GUCY2F: variants seen among roughly 807,000 people sequenced by gnomAD.
GUCY2F encodes guanylate cyclase 2F, retinal.
A neutral mutation model predicts 73.1 loss-of-function variants in GUCY2F; 61 were observed. The observed-to-expected ratio is 0.83, with a 90% CI of 0.68 to 1.03. The LOEUF (loss-of-function observed/expected upper bound fraction) is 1.03, where lower values mean the gene tolerates loss of function less well. GUCY2F is among the 50% of genes least tolerant of loss of function. The pLI, the probability that GUCY2F is intolerant of heterozygous loss-of-function variation, is 0.00. For synonymous variants in GUCY2F, 331 were observed against 307.8 expected (o/e 1.08, Z -0.79); for missense variants, 912 against 854.3 (o/e 1.07, Z -0.84).
At chrX:109,457,366 T>C (rs1468992752) in intron 3 of GUCY2F, among the ~76,000 whole-genome samples, 2 of 111,765 alleles carry the variant, frequency 1.8e-5, no homozygotes, top group African/African-American at 6.5e-5. Context: ...GAAGTGTACA[T>C]TAAAACATGC....
chrX:109,452,711 G>A (rs1172323333), intron 4 of GUCY2F, among the ~76,000 whole-genome samples: 2 of 111,868 alleles, frequency 1.8e-5, no homozygotes, highest in African/African-American at 6.5e-5. Flanking sequence ...TCATGTTAAA[G>A]CAAAGTAGAA....
intron 3 of GUCY2F, among the ~76,000 whole-genome samples, chrX:109,459,547 G>C (rs976242169): frequency 9.0e-6 from 1 of 111,576 alleles, no homozygotes; most frequent in Non-Finnish European, 1.9e-5. Context: ...CGAAAAGGAA[G>C]TTGGAAATGA....
chrX:109,419,417 TCA>T (rs774779896), intron 8 of GUCY2F, among the ~76,000 whole-genome samples: 6 of 110,968 alleles, frequency 5.4e-5, no homozygotes, highest in Non-Finnish European at 7.6e-5. Context: ...ACTATGTAAT[TCA>T]CCATGTTAAC....
chrX:109,469,208 C>T (rs983760957), intron 2 of GUCY2F, among the ~76,000 whole-genome samples: 1 of 111,626 alleles, frequency 9.0e-6, no homozygotes, highest in Admixed American at 9.5e-5. Flanking sequence ...TGGCACCAAC[C>T]ATAGCAGGCT....
chrX:109,476,071 T>G, intron 1 of GUCY2F, 50 bp from the exon 2 acceptor site: 9 of 473,806 alleles, frequency 1.9e-5, no homozygotes, highest in African/African-American at 2.7e-5. Flanking sequence ...CTGAAGCTTC[T>G]GGAAATCATC....
At chrX:109,377,568 C>T (rs1930208184) in intron 17 of GUCY2F, among the ~76,000 whole-genome samples, 1 of 111,954 alleles carries the variant, frequency 8.9e-6, no homozygotes, top group South Asian at 3.7e-4. Context: ...GTGTCTTATA[C>T]AGACAGTTGC....
chrX:109,388,559 G>A lies in GUCY2F; in HGVS notation c.2886C>T (p.Ser962=). 2 of 1,202,863 alleles carry A rather than the reference G, an allele frequency of 1.7e-6. No individual in the cohort carries two copies. Among genetic ancestry groups the A allele is most frequent in the African/African-American group, 1.7e-5 (1 of 57,706 alleles). The part of the protein sequence containing the change: ...EIANMSLDIL[S]SVGTFKMRHM... ...GCCGCATCTTGAAAGTGCCCACAGA[G>A]CTCAGGATATCTAAGGACATGTTTG... Residue 962 remains serine, a synonymous_variant, in exon 15 of 20, where the codon AGC becomes AGT. Coordinates refer to ENST00000218006, the MANE Select transcript of GUCY2F (RefSeq NM_001522.3).
At chrX:109,474,985 G>A (rs1326896942) in intron 2 of GUCY2F, among the ~76,000 whole-genome samples, 1 of 112,144 alleles carries the variant, frequency 8.9e-6, no homozygotes, top group Non-Finnish European at 1.9e-5. Context: ...AGCATTCACA[G>A]GCATATGAAG....
At chrX:109,394,637 G>A (rs751847808) in intron 12 of GUCY2F, among the ~76,000 whole-genome samples, 5 of 112,226 alleles carry the variant, frequency 4.5e-5, no homozygotes, top group Non-Finnish European at 7.5e-5. Context: ...AGCCTAAACT[G>A]CATGCTCCAA....
rs778669201 is a variant in GUCY2F, at chrX:109,475,931, G to A, written c.6C>T (p.Phe2=). The change falls in exon 2 of 20, where the codon TTC becomes TTT. Residue 2 remains phenylalanine (F), a synonymous_variant. Coordinates refer to ENST00000218006, the MANE Select transcript of GUCY2F (RefSeq NM_001522.3). M[F]LGLGRFSRLV... is the part of the protein sequence containing the mutation. ...GGCGAGAAAAGCGCCCGAGTCCCAG[G>A]AACATAGCCCTCCTGCTTCCAGCAA... 1 of 1,196,399 alleles carries A rather than the reference G, an allele frequency of 8.4e-7. No homozygotes were observed. Among genetic ancestry groups the A allele is most frequent in the East Asian group, 3.0e-5 (1 of 33,658 alleles).
At position 109,472,096 on chromosome X, in the gene GUCY2F, C is replaced by T. The variant is rs530633362; in HGVS notation, c.730+3111G>A. Among the ~76,000 whole-genome samples, 4 of 110,693 alleles carry T rather than the reference C, an allele frequency of 3.6e-5. No homozygotes were observed. The South Asian group carries it at 1.5e-3, about 43-fold the overall frequency. ...TTTCTGAGAAAGGCGCTTCCTCTAA[C>T]TCCAGTAAGTTGCCAATGAGAGTTC... On this transcript the variant is annotated intron_variant, in intron 2 of 19. Coordinates refer to ENST00000218006, the MANE Select transcript of GUCY2F (RefSeq NM_001522.3).
In GUCY2F at chrX:109,445,936, C is replaced by T. The variant is rs752178507; in HGVS notation, c.1569+2133G>A. On this transcript the variant is annotated intron_variant, in intron 6 of 19. Coordinates refer to ENST00000218006, the MANE Select transcript of GUCY2F (RefSeq NM_001522.3). ...GGAACTTCAGCAAAGTCTCAGGATACAAAATCAATGTACAAAAATCACAAG... is the reference window on the plus strand; with the variant it reads ...GGAACTTCAGCAAAGTCTCAGGATATAAAATCAATGTACAAAAATCACAAG... 2.7e-3 allele frequency among the ~76,000 whole-genome samples: 305 copies of T among 111,980 alleles called. 1 individual carries two copies. Among genetic ancestry groups the T allele is most frequent in the Non-Finnish European group, 4.7e-3 (249 of 53,198 alleles).
chrX:109,398,717 G>T lies in GUCY2F; in HGVS notation c.2126-19C>A. 8.4e-7 allele frequency: 1 copy of T among 1,196,888 alleles called. No individual in the cohort carries two copies. The highest frequency in any genetic ancestry group is 1.1e-6 in the Non-Finnish European group (1 of 883,280). On this transcript the variant is annotated intron_variant, in intron 10 of 19. Transcript: ENST00000218006. ...AGCAGCTCTAAAAAGAAAGCATTGT[G>T]TAATGAATGCAGGGAGGATTAACTG...
chrX:109,439,547 T>TA (rs1340887681), intron 7 of GUCY2F, among the ~76,000 whole-genome samples: 47 of 109,769 alleles, frequency 4.3e-4, no homozygotes, highest in African/African-American at 1.5e-3. Context: ...TGTTTTTTTT[T>TA]TAAATACATT....
At chrX:109,478,021 C>G (rs7051146) in intron 1 of GUCY2F, among the ~76,000 whole-genome samples, 10,681 of 111,431 alleles carry the variant, frequency 0.096, 1,157 homozygotes, top group African/African-American at 0.31. Context: ...TGGGGGAGGA[C>G]TTCTAACTTT....
At position 109,422,336 on chromosome X, in the gene GUCY2F, C is replaced by T. The variant is rs372374103; in HGVS notation, c.1791+7971G>A. Reference sequence around the variant, plus strand: ...TATGATTCTACTTATATAGGATATACGAAGTAGTGAAAATTCATAGAAAAA... The same window carrying T: ...TATGATTCTACTTATATAGGATATATGAAGTAGTGAAAATTCATAGAAAAA... On this transcript the variant is annotated intron_variant, in intron 8 of 19. Transcript: ENST00000218006. Among the ~76,000 whole-genome samples, 9 of 111,221 alleles carry T rather than the reference C, an allele frequency of 8.1e-5. No individual in the cohort carries two copies. In the South Asian group the frequency reaches 1.1e-3, roughly 14 times the overall value.
At chrX:109,400,222 T>G in intron 10 of GUCY2F, among the ~76,000 whole-genome samples, 3 of 100,697 alleles carry the variant, frequency 3.0e-5, no homozygotes, top group South Asian at 4.7e-4. Context: ...TAAATGGGGG[T>G]GGGGGTAGTA....
intron 3 of GUCY2F, among the ~76,000 whole-genome samples, chrX:109,454,095 A>G (rs1378893063): frequency 9.0e-6 from 1 of 111,590 alleles, no homozygotes; most frequent in Non-Finnish European, 1.9e-5. Context: ...CAATTTTATG[A>G]GCAAACCAAG....
intron 8 of GUCY2F, among the ~76,000 whole-genome samples, chrX:109,423,729 T>G (rs1205757515): frequency 9.3e-6 from 1 of 108,062 alleles, no homozygotes; most frequent in Non-Finnish European, 1.9e-5. Context: ...AAAGAAAAAT[T>G]TCTGGGTGGT....
Sources: gnomAD v4.1 joint callset for allele counts (sites outside exome capture counted in the v4.1 genomes callset) on GRCh38, gnomAD v4.1.1 for gene constraint, MANE v1.5 for transcripts, NCBI Gene and HGNC (gene_info 2026-07-23, HGNC 2026-07-21) for gene names.